PRPF8: variants seen among roughly 807,000 people sequenced by gnomAD.
PRPF8 encodes pre-mRNA-processing-splicing factor 8.
PRPF8 carries 64 observed loss-of-function variants against 285.9 expected under a neutral mutation model. That is an observed-to-expected ratio of 0.22 (90% CI 0.18 to 0.28). PRPF8 has a LOEUF of 0.28. Among genes scored for constraint, PRPF8 ranks in the 10% least tolerant of loss-of-function variants. The probability of loss-of-function intolerance (pLI) is 1.00; values close to 1 mark genes in which losing one functional copy is unlikely to be tolerated. For missense variants in PRPF8, 1,426 were observed against 3,026.7 expected (o/e 0.47, Z 12.41); for synonymous variants, 1,325 against 1,118.2 (o/e 1.18, Z -3.69).
In PRPF8 at chr17:1,651,040, G is replaced by A; in HGVS notation, c.6853+68C>T. Reference sequence around the variant, plus strand: ...CACCTCCAAGCCAGCCAGGCCCCAAGTGCAAAGGGCGATGGCCTCACCTTA... The same window carrying A: ...CACCTCCAAGCCAGCCAGGCCCCAAATGCAAAGGGCGATGGCCTCACCTTA... On this transcript the variant is annotated intron_variant, in intron 42 of 42. Transcript: ENST00000304992. This position sits in a 1 kb window ranked among gnomAD's most constrained non-coding sequence, Gnocchi z 5.1. 1 of 1,613,856 alleles carries A rather than the reference G, an allele frequency of 6.2e-7. No individual in the cohort carries two copies.
At chr17:1,683,348 C>T (rs935466990) in intron 3 of PRPF8, 185 bp downstream of exon 3, 4 of 707,670 alleles carry the variant, frequency 5.7e-6, no homozygotes, top group Non-Finnish European at 9.9e-6. Flanking sequence ...AGTCCCAGAT[C>T]GGGAAGAGAG....
At chr17:1,662,609 T>C (rs577721781) in intron 24 of PRPF8, among the ~76,000 whole-genome samples, 3 of 107,560 alleles carry the variant, frequency 2.8e-5, no homozygotes, top group Admixed American at 9.1e-5. Flanking sequence ...AAAAAAAAAA[T>C]GGTTCCCCTG....
At position 1,681,486 on chromosome 17, in the gene PRPF8, G is replaced by T; in HGVS notation, c.858C>A (p.Ile286=). ...GPKFEPLVRD[I]NLQDEDWNEF... ...TAATCTCTCCAACTCACTGTAGGTTGATGTCTCGAACAAGAGGTTCAAATT... is the reference window on the plus strand; with the variant it reads ...TAATCTCTCCAACTCACTGTAGGTTTATGTCTCGAACAAGAGGTTCAAATT... Residue 286 remains isoleucine (I), a synonymous_variant, in exon 6 of 43, where the codon ATC becomes ATA. Transcript: ENST00000304992. 1 of 1,584,880 alleles carries T rather than the reference G, an allele frequency of 6.3e-7. No homozygotes were observed. The highest frequency in any genetic ancestry group is 1.1e-5 in the South Asian group (1 of 90,462).
At chr17:1,652,833 A>G (rs1268783547) in intron 39 of PRPF8, 1 of 155,002 alleles carries the variant, frequency 6.5e-6, no homozygotes. Context: ...TACAGTCATG[A>G]GCCACTGTGC....
At position 1,660,843 on chromosome 17, in the gene PRPF8, A is replaced by G. The variant is rs1911644318; in HGVS notation, c.4509-16T>C. The stretch of plus-strand genomic sequence containing the variant: ...GGCCTTCTCCCTGGGGAGCAAGAGA[A>G]GCAGGTGAGGTGATATCCTGCCATT... On this transcript the variant is annotated splice_polypyrimidine_tract_variant and intron_variant, in intron 28 of 42. Transcript: ENST00000304992. 6.2e-7 allele frequency: 1 copy of G among 1,613,558 alleles called. No individual in the cohort carries two copies. The highest frequency in any genetic ancestry group is 1.3e-5 in the African/African-American group (1 of 74,936).
In PRPF8 at chr17:1,673,771, G is replaced by A. The variant is rs772270896; in HGVS notation, c.3421C>T (p.Arg1141Cys). Residue 1141 changes from arginine (R) to cysteine (C), a missense_variant, in exon 22 of 43, where the codon CGC (arginine) becomes TGC (cysteine). Physicochemically the swap from Arg to Cys is radical, Grantham distance 180. This residue lies in a region of PRPF8 where 148 missense variants were observed against 196.2 expected (regional missense o/e 0.75). Transcript: ENST00000304992. This position sits in a 1 kb window ranked among gnomAD's most constrained non-coding sequence, Gnocchi z 5.5. ...AAGTTAACATCATGTTTCATGAGGC[G>A]CATGCGGGCATCTCGGGGCCAGCAC... Reference protein sequence around the residue: ...KKCWPRDARMRLMKHDVNLGR... With the variant: ...KKCWPRDARMCLMKHDVNLGR... 1.9e-6 allele frequency: 3 copies of A among 1,614,096 alleles called. No individual in the cohort carries two copies. The highest frequency in any genetic ancestry group is 2.5e-6 in the Non-Finnish European group (3 of 1,180,028).
At chr17:1,665,139 G>A (rs1461967016) in intron 24 of PRPF8, among the ~76,000 whole-genome samples, 14 of 111,084 alleles carry the variant, frequency 1.3e-4, no homozygotes, top group African/African-American at 4.1e-4. Flanking sequence ...TAGCCCGGGC[G>A]AAAATGTGAG....
rs572819879 is a variant in PRPF8 at position 1,660,019 on chromosome 17, G to A, written c.4786-18C>T. ...TCAAACACCTGAAGGAAAACATGGA[G>A]AGATTAAGACTTGTTAAGGAAGCCC... On this transcript the variant is annotated intron_variant, in intron 30 of 42. Transcript: ENST00000304992. The A allele has an allele frequency of 5.6e-6, 9 of 1,613,374 alleles. No individual in the cohort carries two copies. Among genetic ancestry groups the A allele is most frequent in the Admixed American group, 1.7e-5 (1 of 60,024 alleles).
At chr17:1,662,837 A>C (rs1386758895) in intron 24 of PRPF8, among the ~76,000 whole-genome samples, 1 of 150,094 alleles carries the variant, frequency 6.7e-6, no homozygotes, top group Non-Finnish European at 1.5e-5. Flanking sequence ...TCTCAAAAAA[A>C]AAAAAAAGAA....
rs1911096607 is a variant in PRPF8 at position 1,651,915 on chromosome 17, C to G, written c.6370-127G>C. 2 of 1,230,888 alleles carry G rather than the reference C, an allele frequency of 1.6e-6. No homozygotes were observed. Among genetic ancestry groups the G allele is most frequent in the Admixed American group, 1.7e-5 (1 of 57,608 alleles). 76.2% of individuals were successfully genotyped at this position (1,230,888 alleles called of 1,614,324 possible). A position where few individuals can be genotyped will look rare whatever the true frequency, so the allele number is the denominator to read the frequency against. On this transcript the variant is annotated intron_variant, in intron 39 of 42. Transcript: ENST00000304992. The surrounding 1 kb of genome is among the most constrained non-coding windows in gnomAD (Gnocchi z 5.1). ...AGTTTCTTAAAACGTGATCAGAACC[C>G]CCTGTATCAGAATCAGCTGGGGTGC...
chr17:1,673,127 C>T lies in PRPF8; in HGVS notation c.3728G>A (p.Arg1243His), dbSNP rs1219818327. 1 of 1,614,206 alleles carries T rather than the reference C, an allele frequency of 6.2e-7. No homozygotes were observed. The highest frequency in any genetic ancestry group is 8.5e-7 in the Non-Finnish European group (1 of 1,180,050). Residue 1243 changes from arginine (R) to histidine (H), a missense_variant, in exon 24 of 43, where the codon CGC (arginine) becomes CAC (histidine). Arg to His is a conservative substitution (Grantham distance 29). Around this residue, in one of 34 missense-constraint regions of PRPF8, gnomAD observed 1 missense variants for 30.9 expected, o/e 0.03. Transcript: ENST00000304992. This position sits in a 1 kb window ranked among gnomAD's most constrained non-coding sequence, Gnocchi z 5.5. The part of the protein sequence containing the change: ...DDESMQRFHN[R>H]VRQILMASGS... ...AGAGGCCATGAGAATCTGACGCACG[C>T]GGTTGTGGAAGCGCTGCATTGACTC...
chr17:1,667,369 A>C (rs1320297439), intron 24 of PRPF8, among the ~76,000 whole-genome samples: 1 of 152,186 alleles, frequency 6.6e-6, no homozygotes, highest in African/African-American at 2.4e-5. Context: ...TGAGGAGCCC[A>C]GTGTTCCTTT....
At chr17:1,667,183 A>AT (rs930258031) in intron 24 of PRPF8, among the ~76,000 whole-genome samples, 7 of 150,662 alleles carry the variant, frequency 4.6e-5, no homozygotes, top group African/African-American at 1.7e-4. Flanking sequence ...AAAAAAAAAA[A>AT]GGAGGGCCAG....
chr17:1,679,977 A>G lies in PRPF8; in HGVS notation c.1099-178T>C, dbSNP rs1190103013. Reference sequence around the variant, plus strand: ...AAACCAAGACAGCAAAGAACAAGACAGGGCCACCAGGAAAGCAAGCGTCAC... The same window carrying G: ...AAACCAAGACAGCAAAGAACAAGACGGGGCCACCAGGAAAGCAAGCGTCAC... On this transcript the variant is annotated intron_variant, in intron 8 of 42. Coordinates refer to ENST00000304992, the MANE Select transcript of PRPF8 (RefSeq NM_006445.4). This position sits in a 1 kb window ranked among gnomAD's most constrained non-coding sequence, Gnocchi z 4.7. Among the ~76,000 whole-genome samples the G allele has an allele frequency of 6.6e-6, 1 of 152,192 alleles. No individual in the cohort carries two copies. Among genetic ancestry groups the G allele is most frequent in the Admixed American group, 6.5e-5 (1 of 15,270 alleles).
intron 1 of PRPF8, 29 bp from the exon 2 acceptor site, chr17:1,684,611 C>G: frequency 6.2e-7 from 1 of 1,603,618 alleles, no homozygotes; most frequent in Non-Finnish European, 8.5e-7. Flanking sequence ...GAAAAATTCA[C>G]TAACCACAGG....
chr17:1,656,292 T>C, intron 36 of PRPF8, 100 bp downstream of exon 36: 3 of 1,444,498 alleles, frequency 2.1e-6, no homozygotes, highest in Non-Finnish European at 2.9e-6. Context: ...ACCCAATCTA[T>C]AGGCTAAAAA....
Position 1,673,977 on chromosome 17 carries a change from C to A in PRPF8, c.3300-85G>T. 1 of 1,499,456 alleles carries A rather than the reference C, an allele frequency of 6.7e-7. No homozygotes were observed. Among genetic ancestry groups the A allele is most frequent in the South Asian group, 1.1e-5 (1 of 88,832 alleles). 92.9% of individuals were successfully genotyped at this position (1,499,456 alleles called of 1,614,324 possible). ...AGTCCTCCAGCTCAATAGACGGAGA[C>A]CCCACCCCATCCTACCCCCACCCTC... On this transcript the variant is annotated intron_variant, in intron 21 of 42. Coordinates refer to ENST00000304992, the MANE Select transcript of PRPF8 (RefSeq NM_006445.4). The surrounding 1 kb of genome is among the most constrained non-coding windows in gnomAD (Gnocchi z 5.5).
chr17:1,660,319 A>G (rs902186170), intron 30 of PRPF8, 113 bp downstream of exon 30: 16 of 1,553,014 alleles, frequency 1.0e-5, no homozygotes, highest in Middle Eastern at 2.3e-4. Flanking sequence ...CTGACTCTGT[A>G]CAGTACCCTC....
chr17:1,678,756 C>A lies in PRPF8; in HGVS notation c.1719+6G>T, dbSNP rs1035392794. ...CCAGGCAGGGGTTGGGAATACCTAA[C>A]CTTACCTGGAAGGCATCCACATTGC... On this transcript the variant is annotated splice_donor_region_variant and intron_variant, in intron 12 of 42. Coordinates refer to ENST00000304992, the MANE Select transcript of PRPF8 (RefSeq NM_006445.4). The A allele has an allele frequency of 2.5e-6, 4 of 1,614,068 alleles. No individual in the cohort carries two copies. The highest frequency in any genetic ancestry group is 3.4e-6 in the Non-Finnish European group (4 of 1,180,040).
Sources: allele counts gnomAD v4.1 joint callset (sites outside exome capture counted in the v4.1 genomes callset), GRCh38; gene constraint gnomAD v4.1.1; regional missense constraint gnomAD v4.1.1; non-coding constraint Gnocchi (gnomAD v3.1); transcripts MANE v1.5; gene names NCBI Gene and HGNC (gene_info 2026-07-23, HGNC 2026-07-21).